Variants in ACVR2A observed in about 807,000 individuals in gnomAD.
The protein encoded by ACVR2A is activin A receptor type 2A.
ACVR2A carries 7 observed loss-of-function variants against 61.4 expected under a neutral mutation model. The ratio of observed to expected loss-of-function variants is 0.11; its 90% CI spans 0.06 to 0.21. ACVR2A has a LOEUF of 0.21. Ranked by LOEUF, ACVR2A falls within the 10% of genes least tolerant of loss-of-function variation. ACVR2A has a pLI of 1.00. For synonymous variants in ACVR2A, 193 were observed against 208.3 expected, an observed-to-expected ratio of 0.93 and a Z score of 0.63; for missense variants, 322 against 621.7, an observed-to-expected ratio of 0.52 and a Z score of 5.13.
intron 1 of ACVR2A, among the ~76,000 whole-genome samples, chr2:147,893,488 C>T (rs1429752359): frequency 6.6e-6 from 1 of 152,250 alleles, no homozygotes; most frequent in Admixed American, 6.5e-5. Context: ...TTTGCTCTAC[C>T]ACCATCAATA....
chr2:147,914,339 T>G (rs541050167), intron 4 of ACVR2A, among the ~76,000 whole-genome samples: 2 of 152,138 alleles, frequency 1.3e-5, no homozygotes, highest in African/African-American at 4.8e-5. Context: ...GAGAGAATGC[T>G]TTCAATGGAG....
intron 1 of ACVR2A, among the ~76,000 whole-genome samples, chr2:147,891,963 G>GGT (rs147565347): frequency 2.7e-5 from 3 of 111,792 alleles, no homozygotes; most frequent in Non-Finnish European, 6.8e-5. Flanking sequence ...TCTTTTTTTT[G>GGT]TTTTTTTTGT....
intron 4 of ACVR2A, among the ~76,000 whole-genome samples, chr2:147,913,783 T>C (rs917454940): frequency 2.1e-5 from 3 of 142,540 alleles, no homozygotes; most frequent in African/African-American, 5.2e-5. Context: ...GAAACGTTCT[T>C]TCATGTTTTG....
At chr2:147,913,306 TA>T (rs1687164677) in intron 4 of ACVR2A, among the ~76,000 whole-genome samples, 1 of 151,922 alleles carries the variant, frequency 6.6e-6, no homozygotes, top group Non-Finnish European at 1.5e-5. Context: ...TAAAAGCTAT[TA>T]AAAATCTTAA....
At chr2:147,909,090 C>G (rs981745164) in intron 4 of ACVR2A, among the ~76,000 whole-genome samples, 1 of 152,096 alleles carries the variant, frequency 6.6e-6, no homozygotes, top group Non-Finnish European at 1.5e-5. Flanking sequence ...GAACCACTGT[C>G]CATTTGGTTG....
At chr2:147,862,584 A>G (rs189970407) in intron 1 of ACVR2A, among the ~76,000 whole-genome samples, 353 of 152,156 alleles carry the variant, frequency 2.3e-3, no homozygotes, top group Non-Finnish European at 4.4e-3. Context: ...TCTTTACTAA[A>G]AATATGAAAA....
In ACVR2A at chr2:147,920,292, G is replaced by A; in HGVS notation, c.1025G>A (p.Gly342Glu). ...NNLTACIADF[G>E]LALKFEAGKS... is the part of the protein sequence containing the mutation. ...CTGACAGCTTGCATTGCTGACTTTGGGTTGGCCTTAAAATTTGAGGCTGGC... is the reference window on the plus strand; with the variant it reads ...CTGACAGCTTGCATTGCTGACTTTGAGTTGGCCTTAAAATTTGAGGCTGGC... Residue 342 changes from glycine (G) to glutamate (E), a missense_variant, in exon 8 of 11, where the codon GGG (glycine) becomes GAG (glutamate). Transcript: ENST00000241416. 1 of 1,613,504 alleles carries A rather than the reference G, an allele frequency of 6.2e-7. No homozygotes were observed. The highest frequency in any genetic ancestry group is 8.5e-7 in the Non-Finnish European group (1 of 1,179,612).
intron 9 of ACVR2A, among the ~76,000 whole-genome samples, chr2:147,924,204 T>C (rs1340298801): frequency 6.6e-6 from 1 of 152,052 alleles, no homozygotes; most frequent in Non-Finnish European, 1.5e-5. Context: ...GAAGCAGAAG[T>C]AGGTTAGATG....
At chr2:147,881,093 A>G (rs1266892141) in intron 1 of ACVR2A, among the ~76,000 whole-genome samples, 2 of 152,176 alleles carry the variant, frequency 1.3e-5, no homozygotes. Flanking sequence ...TTAAAAAGGC[A>G]CAGGGAAGTT....
At chr2:147,873,353 A>G (rs1194048224) in intron 1 of ACVR2A, among the ~76,000 whole-genome samples, 4 of 151,996 alleles carry the variant, frequency 2.6e-5, no homozygotes, top group African/African-American at 9.7e-5. Context: ...TATATTCAGA[A>G]TATCATTTCA....
intron 4 of ACVR2A, among the ~76,000 whole-genome samples, chr2:147,900,238 C>G (rs917092397): frequency 1.3e-5 from 2 of 152,096 alleles, no homozygotes; most frequent in Admixed American, 6.6e-5. Context: ...TCTTTGCCCT[C>G]TGTCCCCTCC....
chr2:147,917,531 A>C, intron 6 of ACVR2A, 105 bp downstream of exon 6: 1 of 1,171,824 alleles, frequency 8.5e-7, no homozygotes, highest in African/African-American at 1.6e-5. Context: ...CTTATAGTTG[A>C]TTAATATTTA....
intron 5 of ACVR2A, among the ~76,000 whole-genome samples, chr2:147,915,651 A>G (rs569416185): frequency 2.0e-5 from 3 of 152,092 alleles, no homozygotes; most frequent in South Asian, 2.1e-4. Context: ...AAATTTTAAT[A>G]TCCCCCTACG....
At chr2:147,877,209 G>C (rs1686180882) in intron 1 of ACVR2A, among the ~76,000 whole-genome samples, 1 of 152,052 alleles carries the variant, frequency 6.6e-6, no homozygotes, top group African/African-American at 2.4e-5. Flanking sequence ...CCACTAGTAA[G>C]AATTTTTTTG....
chr2:147,925,927 C>T lies in ACVR2A; in HGVS notation c.1217-104C>T. 3 of 1,166,776 alleles carry T rather than the reference C, an allele frequency of 2.6e-6. No homozygotes were observed. In the South Asian group the frequency reaches 4.5e-5, roughly 18 times the overall value. 72.3% of individuals were successfully genotyped at this position (1,166,776 alleles called of 1,614,324 possible). A position where few individuals can be genotyped will look rare whatever the true frequency, so the allele number is the denominator to read the frequency against. ...CTCTTCTGTCCTCATAGCATGTAAACAGTTGGGAATAGGTGACAGAGTATA... is the reference window on the plus strand; with the variant it reads ...CTCTTCTGTCCTCATAGCATGTAAATAGTTGGGAATAGGTGACAGAGTATA... On this transcript the variant is annotated intron_variant, in intron 9 of 10. Transcript: ENST00000241416.
Position 147,930,355 on chromosome 2 carries a change from GT to G in ACVR2A, c.*3098del, listed in dbSNP as rs5835176. ...GAATAAACTGATTACTGGTTTTTTT[GT>G]TTTTTTTTTTTTTTTTAAAGAAAGA... is the stretch of plus-strand genomic sequence containing the variant. On this transcript the variant is annotated 3_prime_UTR_variant, in exon 11 of 11. Coordinates refer to ENST00000241416, the MANE Select transcript of ACVR2A (RefSeq NM_001616.5). 69,870 of 132,256 alleles carry G rather than the reference GT, an allele frequency of 0.53. 17,444 individuals carry two copies. Among genetic ancestry groups the G allele is most frequent in the African/African-American group, 0.65 (23,976 of 36,986 alleles). 8.2% of individuals were successfully genotyped at this position (132,256 alleles called of 1,614,324 possible).
intron 1 of ACVR2A, among the ~76,000 whole-genome samples, chr2:147,888,090 A>G (rs1325293254): frequency 6.6e-6 from 1 of 152,088 alleles, no homozygotes; most frequent in African/African-American, 2.4e-5. Context: ...TTTCCATTGA[A>G]TTGCCTTTGC....
chr2:147,924,025 T>A (rs1009898143), intron 9 of ACVR2A, among the ~76,000 whole-genome samples: 5 of 152,070 alleles, frequency 3.3e-5, no homozygotes, highest in African/African-American at 4.8e-5. Flanking sequence ...AATAGAGTGT[T>A]CAGAAATGGG....
intron 8 of ACVR2A, among the ~76,000 whole-genome samples, chr2:147,921,438 T>C (rs1322135544): frequency 6.6e-6 from 1 of 152,202 alleles, no homozygotes; most frequent in East Asian, 1.9e-4. Context: ...TCATCTTTCA[T>C]ATCATGTAAA....
Sources: allele counts gnomAD v4.1 joint callset (sites outside exome capture counted in the v4.1 genomes callset), GRCh38; gene constraint gnomAD v4.1.1; transcripts MANE v1.5; gene names NCBI Gene and HGNC (gene_info 2026-07-23, HGNC 2026-07-21).